The following SCART1 variants were observed in gnomAD, a reference collection of about 807,000 sequenced individuals.
The protein encoded by SCART1 is scavenger receptor family member expressed on T cells 1.
Under a neutral mutation model 36.2 loss-of-function variants are expected in SCART1, and 62 were observed. The ratio of observed to expected loss-of-function variants is 1.71; its 90% CI spans 1.40 to 2.12. The LOEUF (loss-of-function observed/expected upper bound fraction) is 2.12, where lower values mean the gene tolerates loss of function less well. Ranked by LOEUF, SCART1 falls within the 30% of genes most tolerant of loss-of-function variation. SCART1 has a pLI of 0.00. For missense variants in SCART1, 1,041 were observed against 540.5 expected (o/e 1.93, Z -9.18); for synonymous variants, 487 against 238.7 (o/e 2.04, Z -9.59).
chr10:133,456,545 C>T (rs1231760022), exon 2 of SCART1: 1 of 663,226 alleles, frequency 1.5e-6, no homozygotes, highest in Admixed American at 2.1e-5. Flanking sequence ...GGTGGTCGCG[C>T]TGTGCTCCAG....
intron 11 of SCART1, 23 bp from the exon 12 acceptor site, chr10:133,467,824 T>G: frequency 7.6e-6 from 5 of 657,378 alleles, no homozygotes; most frequent in Non-Finnish European, 1.1e-5. Flanking sequence ...GCTGATTTGG[T>G]CACGCGGTGT....
chr10:133,455,487 TG>T (rs1387665485), intron 1 of SCART1, among the ~76,000 whole-genome samples: 1 of 151,812 alleles, frequency 6.6e-6, no homozygotes, highest in Non-Finnish European at 1.5e-5. Context: ...TTTCTGGGTG[TG>T]GAGAGTCCTC....
At chr10:133,457,654 G>T in intron 3 of SCART1, 79 bp downstream of exon 3, 1 of 598,428 alleles carries the variant, frequency 1.7e-6, no homozygotes, top group South Asian at 2.0e-5. Flanking sequence ...GGAGAAGGGG[G>T]GTGGGCGTTC....
chr10:133,457,685 C>T, intron 3 of SCART1, 110 bp downstream of exon 3: 1 of 586,270 alleles, frequency 1.7e-6, no homozygotes, highest in Non-Finnish European at 3.0e-6. Context: ...GCCCCCCTGT[C>T]CTGCATGAGA....
At chr10:133,460,496 A>ATTTTTTTTTT (rs1554896744) in intron 6 of SCART1, among the ~76,000 whole-genome samples, 1 of 136,016 alleles carries the variant, frequency 7.4e-6, no homozygotes, top group South Asian at 2.7e-4. Flanking sequence ...ATATTTATAT[A>ATTTTTTTTTT]TTTTAAAAAA....
chr10:133,463,504 C>CT (rs34222160), intron 6 of SCART1, among the ~76,000 whole-genome samples: 82,814 of 125,630 alleles, frequency 0.66, 28,733 homozygotes, highest in Non-Finnish European at 0.77. Flanking sequence ...ACGTATTTGA[C>CT]TTTTTTTTTT....
intron 6 of SCART1, among the ~76,000 whole-genome samples, chr10:133,460,496 A>ATATATATATATATATATATATATTTT: frequency 1.5e-5 from 2 of 136,006 alleles, no homozygotes; most frequent in South Asian, 5.4e-4. Context: ...ATATTTATAT[A>ATATATATATATATATATATATATTTT]TTTTAAAAAA....
chr10:133,460,482 A>ATATATATATATATATATT (rs1312454143), intron 6 of SCART1, among the ~76,000 whole-genome samples: 2 of 142,704 alleles, frequency 1.4e-5, no homozygotes, highest in African/African-American at 5.2e-5. Flanking sequence ...ATATATATAT[A>ATATATATATATATATATT]TATATATTTA....
intron 10 of SCART1, 141 bp from the exon 11 acceptor site, chr10:133,467,057 C>T: frequency 1.8e-6 from 1 of 554,392 alleles, no homozygotes; most frequent in East Asian, 3.0e-5. Flanking sequence ...GGCTATGTTG[C>T]CGTGGTCCCT....
At chr10:133,462,662 G>T (rs150084913) in intron 6 of SCART1, among the ~76,000 whole-genome samples, 30 of 152,332 alleles carry the variant, frequency 2.0e-4, no homozygotes, top group African/African-American at 7.0e-4. Context: ...TCCCAGCCGG[G>T]CTCCCTTAGT....
Position 133,466,390 on chromosome 10 carries a change from G to T in SCART1, c.2806+9G>T. The T allele has an allele frequency of 1.4e-6, 1 of 701,410 alleles. No homozygotes were observed. 43.4% of individuals were successfully genotyped at this position (701,410 alleles called of 1,614,324 possible). On this transcript the variant is annotated intron_variant, in intron 10 of 11. Transcript: ENST00000640237. The stretch of plus-strand genomic sequence containing the variant: ...ACAAGCCATGCAGAGGGGTAAGCGT[G>T]AGCCCACCCTGATCCCATCAACTGG...
chr10:133,460,229 C>T, intron 6 of SCART1, 59 bp downstream of exon 6: 1 of 421,618 alleles, frequency 2.4e-6, no homozygotes, highest in Non-Finnish European at 4.2e-6. Flanking sequence ...GTCATGCGCA[C>T]TTGCTTTCCA....
intron 6 of SCART1, 73 bp downstream of exon 6, chr10:133,460,243 C>T (rs1466197449): frequency 4.9e-6 from 2 of 408,766 alleles, no homozygotes; most frequent in African/African-American, 4.1e-5. Flanking sequence ...CTTTCCAGAA[C>T]AGCATCAAAC....
intron 3 of SCART1, chr10:133,457,939 C>T: frequency 3.9e-6 from 2 of 511,070 alleles, no homozygotes; most frequent in South Asian, 2.1e-5. Flanking sequence ...GCTGCACTGG[C>T]CTCACAGCTC....
At chr10:133,461,696 C>T (rs147935867) in intron 6 of SCART1, among the ~76,000 whole-genome samples, 10 of 152,250 alleles carry the variant, frequency 6.6e-5, no homozygotes, top group Admixed American at 4.6e-4. Flanking sequence ...TCTTTATTCT[C>T]GGCAGCTTGT....
intron 9 of SCART1, chr10:133,466,022 G>T (rs1475709302): frequency 1.5e-6 from 1 of 661,214 alleles, no homozygotes; most frequent in African/African-American, 1.8e-5. Context: ...CAAGGAAGGG[G>T]GCTGTCCCTT....
chr10:133,454,778 C>T (rs1850587834), intron 1 of SCART1, among the ~76,000 whole-genome samples: 1 of 152,034 alleles, frequency 6.6e-6, no homozygotes, highest in African/African-American at 2.4e-5. Flanking sequence ...AGCCACATCC[C>T]CAGCGGTGGG....
intron 6 of SCART1, among the ~76,000 whole-genome samples, chr10:133,463,504 C>T (rs1199690109): frequency 4.0e-5 from 5 of 125,760 alleles, no homozygotes; most frequent in Non-Finnish European, 3.2e-5. Context: ...ACGTATTTGA[C>T]TTTTTTTTTT....
chr10:133,466,536 G>A (rs927485639), intron 10 of SCART1, among the ~76,000 whole-genome samples, 155 bp downstream of exon 10: 1 of 152,220 alleles, frequency 6.6e-6, no homozygotes, highest in African/African-American at 2.4e-5. Flanking sequence ...CTGAGAAGCT[G>A]AAGAAAGAGG....
Sources: allele counts gnomAD v4.1 joint callset (sites outside exome capture counted in the v4.1 genomes callset), GRCh38; gene constraint gnomAD v4.1.1; transcripts MANE v1.5; gene names NCBI Gene and HGNC (gene_info 2026-07-23, HGNC 2026-07-21).